Variants in FAM240B observed in about 807,000 individuals in gnomAD.
FAM240B encodes protein FAM240B.
chr9:38,695,424 C>A (rs1225696567), intron 2 of FAM240B, among the ~76,000 whole-genome samples: 1 of 152,130 alleles, frequency 6.6e-6, no homozygotes, highest in African/African-American at 2.4e-5. Context: ...ACTGGGGAGG[C>A]TGAGATGGGA....
intron 1 of FAM240B, among the ~76,000 whole-genome samples, chr9:38,704,682 G>A (rs1465101971): frequency 6.6e-6 from 1 of 152,158 alleles, no homozygotes; most frequent in Non-Finnish European, 1.5e-5. Context: ...AGTAAACAGT[G>A]CGCTCTTTCC....
At chr9:38,703,298 C>T (rs2119003265) in intron 2 of FAM240B, among the ~76,000 whole-genome samples, 1 of 152,320 alleles carries the variant, frequency 6.6e-6, no homozygotes, top group African/African-American at 2.4e-5. Flanking sequence ...TAGCAAAAGG[C>T]TTGGCCAATC....
At chr9:38,709,960 T>C (rs1821235234) in intron 1 of FAM240B, among the ~76,000 whole-genome samples, 2 of 152,174 alleles carry the variant, frequency 1.3e-5, no homozygotes, top group African/African-American at 4.8e-5. Flanking sequence ...GGAGCGTGTA[T>C]GTGCTCTTGA....
intron 1 of FAM240B, among the ~76,000 whole-genome samples, chr9:38,709,638 C>T (rs1186575228): frequency 2.0e-5 from 3 of 152,130 alleles, no homozygotes; most frequent in Admixed American, 6.6e-5. Context: ...AAGGGAAAGC[C>T]GCTGTGATCT....
intron 1 of FAM240B, among the ~76,000 whole-genome samples, chr9:38,709,676 T>C (rs764556053): frequency 1.3e-5 from 2 of 152,210 alleles, no homozygotes; most frequent in Non-Finnish European, 2.9e-5. Context: ...TAGGGTTTTA[T>C]TGTCACAGAA....
chr9:38,710,647 G>C (rs113560712), intron 1 of FAM240B, among the ~76,000 whole-genome samples: 1 of 152,186 alleles, frequency 6.6e-6, no homozygotes, highest in African/African-American at 2.4e-5. Context: ...ACGACAGGGC[G>C]TGGAAGTGAG....
At chr9:38,718,915 T>C (rs920870037) in intron 1 of FAM240B, among the ~76,000 whole-genome samples, 1 of 152,214 alleles carries the variant, frequency 6.6e-6, no homozygotes, top group Non-Finnish European at 1.5e-5. Context: ...TTTTATTTTA[T>C]GAATTTCATT....
chr9:38,716,754 T>C (rs1821307866), intron 1 of FAM240B, among the ~76,000 whole-genome samples: 1 of 152,206 alleles, frequency 6.6e-6, no homozygotes, highest in Non-Finnish European at 1.5e-5. Flanking sequence ...GAATGTTACT[T>C]TTTTCCTGAA....
chr9:38,695,887 G>C (rs563863263), intron 2 of FAM240B, among the ~76,000 whole-genome samples: 59 of 152,316 alleles, frequency 3.9e-4, no homozygotes, highest in African/African-American at 1.4e-3. Context: ...AAATAAATAC[G>C]CAGTAATGTG....
At chr9:38,708,500 G>A (rs890755660) in intron 1 of FAM240B, among the ~76,000 whole-genome samples, 1 of 152,206 alleles carries the variant, frequency 6.6e-6, no homozygotes, top group Non-Finnish European at 1.5e-5. Flanking sequence ...TCCCCTGTCA[G>A]GCCAGGAGGC....
At chr9:38,699,591 A>C (rs966216788) in intron 2 of FAM240B, among the ~76,000 whole-genome samples, 4 of 152,196 alleles carry the variant, frequency 2.6e-5, no homozygotes, top group Non-Finnish European at 5.9e-5. Flanking sequence ...GAGCCATGTC[A>C]TGCAGGAATT....
At chr9:38,705,084 C>T (rs1326296278) in intron 1 of FAM240B, among the ~76,000 whole-genome samples, 2 of 152,308 alleles carry the variant, frequency 1.3e-5, no homozygotes, top group African/African-American at 4.8e-5. Flanking sequence ...ATCTTAGGAG[C>T]GCCATCAGGC....
At chr9:38,697,100 A>G (rs1821078103) in intron 2 of FAM240B, among the ~76,000 whole-genome samples, 2 of 152,180 alleles carry the variant, frequency 1.3e-5, no homozygotes, top group Non-Finnish European at 2.9e-5. Flanking sequence ...TGGGTGTTTC[A>G]TTGAACTTGA....
At chr9:38,713,486 A>AC (rs1821278334) in intron 1 of FAM240B, among the ~76,000 whole-genome samples, 1 of 148,354 alleles carries the variant, frequency 6.7e-6, no homozygotes, top group East Asian at 1.9e-4. Flanking sequence ...TCAAACAAAA[A>AC]AAAAAAAAAA....
At chr9:38,710,958 C>T (rs911893575) in intron 1 of FAM240B, among the ~76,000 whole-genome samples, 3 of 152,082 alleles carry the variant, frequency 2.0e-5, no homozygotes, top group African/African-American at 4.8e-5. Context: ...CTCCCAAGCC[C>T]GTGTCATCAC....
intron 2 of FAM240B, among the ~76,000 whole-genome samples, chr9:38,702,541 G>A (rs113366870): frequency 6.6e-6 from 1 of 152,272 alleles, no homozygotes; most frequent in African/African-American, 2.4e-5. Context: ...ACCCGGACAG[G>A]CCCAGAAGAA....
intron 1 of FAM240B, among the ~76,000 whole-genome samples, chr9:38,716,279 C>A (rs1002150438): frequency 5.3e-5 from 8 of 152,150 alleles, no homozygotes; most frequent in African/African-American, 1.9e-4. Flanking sequence ...CGAGACCAGC[C>A]TGGCCAACAC....
At chr9:38,700,687 T>C (rs1563999250) in intron 2 of FAM240B, among the ~76,000 whole-genome samples, 1 of 152,226 alleles carries the variant, frequency 6.6e-6, no homozygotes, top group Non-Finnish European at 1.5e-5. Flanking sequence ...CCTCAATCAG[T>C]TGTTTGCAAA....
At chr9:38,696,946 C>G (rs1205908087) in intron 2 of FAM240B, among the ~76,000 whole-genome samples, 2 of 152,146 alleles carry the variant, frequency 1.3e-5, no homozygotes, top group African/African-American at 4.8e-5. Context: ...AATTTGTAAT[C>G]CACCTCTCCA....
Sources: allele counts gnomAD v4.1 joint callset (sites outside exome capture counted in the v4.1 genomes callset), GRCh38; gene constraint gnomAD v4.1.1; transcripts MANE v1.5; gene names NCBI Gene and HGNC (gene_info 2026-07-23, HGNC 2026-07-21).